The following PSMD14 variants were observed in gnomAD, a reference collection of about 807,000 sequenced individuals.
The protein encoded by PSMD14 is proteasome 26S subunit, non-ATPase 14.
PSMD14 carries 7 observed loss-of-function variants against 41.2 expected under a neutral mutation model. The ratio of observed to expected loss-of-function variants is 0.17; its 90% CI spans 0.10 to 0.32. The LOEUF (loss-of-function observed/expected upper bound fraction) is 0.32, where lower values mean the gene tolerates loss of function less well. Among genes scored for constraint, PSMD14 ranks in the 10% least tolerant of loss-of-function variants. The pLI, the probability that PSMD14 is intolerant of heterozygous loss-of-function variation, is 1.00. For synonymous variants in PSMD14, 114 were observed against 122.3 expected (o/e 0.93, Z 0.45); for missense variants, 139 against 375.6 (o/e 0.37, Z 5.21).
At chr2:161,394,459 CAAT>C (rs1319932255) in intron 9 of PSMD14, among the ~76,000 whole-genome samples, 2 of 152,072 alleles carry the variant, frequency 1.3e-5, no homozygotes, top group East Asian at 1.9e-4. Context: ...CAAGGTCACT[CAAT>C]AAATGGGGCA....
In PSMD14 at chr2:161,367,813, A is replaced by G; in HGVS notation, c.150A>G (p.Pro50=). 1.2e-6 allele frequency: 2 copies of G among 1,613,562 alleles called. No homozygotes were observed. The highest frequency in any genetic ancestry group is 1.7e-6 in the Non-Finnish European group (2 of 1,179,624). Residue 50 remains proline (P), a synonymous_variant, in exon 5 of 12, where the codon CCA becomes CCG. Transcript: ENST00000409682. The part of the protein sequence containing the change: ...KMLKHGRAGV[P]MEVMGLMLGE... ...TAAAACATGGCCGTGCTGGAGTTCC[A>G]ATGGAAGTTATGGGTTTGATGCTTG...
chr2:161,399,325 C>T (rs1683844608), intron 10 of PSMD14, among the ~76,000 whole-genome samples: 2 of 152,074 alleles, frequency 1.3e-5, no homozygotes, highest in South Asian at 4.1e-4. Flanking sequence ...AAAATAACAA[C>T]TAACATTTAC....
chr2:161,349,509 G>A (rs1683088911), intron 3 of PSMD14, among the ~76,000 whole-genome samples: 1 of 152,150 alleles, frequency 6.6e-6, no homozygotes, highest in African/African-American at 2.4e-5. Flanking sequence ...TTCCTAGTGT[G>A]GAGTTCTTTC....
At chr2:161,352,839 G>T (rs925890824) in intron 3 of PSMD14, among the ~76,000 whole-genome samples, 1 of 152,130 alleles carries the variant, frequency 6.6e-6, no homozygotes, top group African/African-American at 2.4e-5. Context: ...AAACAGGAAG[G>T]TTATTTGTAT....
chr2:161,340,187 T>G (rs1249006980), intron 3 of PSMD14, among the ~76,000 whole-genome samples: 2 of 152,062 alleles, frequency 1.3e-5, no homozygotes, highest in Non-Finnish European at 2.9e-5. Flanking sequence ...GAATCCGAGA[T>G]TCCTCTAGAT....
chr2:161,348,328 C>T (rs1216758614), intron 3 of PSMD14, among the ~76,000 whole-genome samples: 2 of 152,152 alleles, frequency 1.3e-5, no homozygotes, highest in Non-Finnish European at 2.9e-5. Context: ...ACTCATTCTG[C>T]CATTGTAGTG....
At chr2:161,310,982 A>C (rs973256041) in intron 1 of PSMD14, among the ~76,000 whole-genome samples, 1 of 152,194 alleles carries the variant, frequency 6.6e-6, no homozygotes, top group Non-Finnish European at 1.5e-5. Flanking sequence ...CTGTAGATTC[A>C]ACCAACTACA....
intron 7 of PSMD14, chr2:161,383,981 A>AG (rs1491302821): frequency 4.0e-5 from 6 of 151,654 alleles, no homozygotes; most frequent in African/African-American, 1.4e-4. Flanking sequence ...TTTTTAAAAA[A>AG]GAGAATATGT....
intron 3 of PSMD14, among the ~76,000 whole-genome samples, chr2:161,329,771 A>G (rs748505377): frequency 5.3e-5 from 8 of 152,168 alleles, no homozygotes; most frequent in Non-Finnish European, 1.0e-4. Flanking sequence ...TTCTATTCAT[A>G]TACTCTGATA....
chr2:161,371,830 C>T (rs946219868), intron 7 of PSMD14, among the ~76,000 whole-genome samples: 18 of 152,120 alleles, frequency 1.2e-4, no homozygotes, highest in South Asian at 4.1e-4. Flanking sequence ...GGAGTGAGGA[C>T]GCAAATGAAT....
rs1023024258 is a variant in PSMD14, at chr2:161,332,439, A to G, written c.48+13566A>G. On this transcript the variant is annotated intron_variant, in intron 3 of 11. Coordinates refer to ENST00000409682, the MANE Select transcript of PSMD14 (RefSeq NM_005805.6). ...TTCTCTTGTTAAGCTAATTTCAATG[A>G]CCAATCTTGTTGTACCTTGACTTGT... 3.3e-5 allele frequency among the ~76,000 whole-genome samples: 5 copies of G among 152,206 alleles called. No homozygotes were observed. The East Asian group carries it at 9.6e-4, about 29-fold the overall frequency.
intron 7 of PSMD14, among the ~76,000 whole-genome samples, chr2:161,377,542 G>A (rs1683519690): frequency 6.6e-6 from 1 of 151,810 alleles, no homozygotes; most frequent in Admixed American, 6.6e-5. Flanking sequence ...ATAAGAAATT[G>A]TCTGCTAGGA....
intron 3 of PSMD14, among the ~76,000 whole-genome samples, chr2:161,340,431 G>C (rs199834490): frequency 3.9e-5 from 6 of 152,160 alleles, no homozygotes; most frequent in Non-Finnish European, 8.8e-5. Flanking sequence ...GGCAAAAGAG[G>C]GGGGACTGGA....
intron 7 of PSMD14, among the ~76,000 whole-genome samples, chr2:161,375,721 C>T (rs1683493684): frequency 6.6e-6 from 1 of 151,734 alleles, no homozygotes; most frequent in Non-Finnish European, 1.5e-5. Flanking sequence ...AGAATAAATA[C>T]AAATACAGGA....
intron 3 of PSMD14, 152 bp downstream of exon 3, chr2:161,319,025 C>T (rs912532415): frequency 4.1e-6 from 2 of 484,350 alleles, no homozygotes; most frequent in Non-Finnish European, 7.2e-6. Flanking sequence ...TATCTTGCAA[C>T]ACTAGATAAC....
intron 2 of PSMD14, among the ~76,000 whole-genome samples, chr2:161,316,940 A>C (rs944503801): frequency 6.6e-6 from 1 of 152,194 alleles, no homozygotes; most frequent in Non-Finnish European, 1.5e-5. Flanking sequence ...ACACAGAGGG[A>C]TAGATAAACT....
chr2:161,338,964 G>A (rs1163518767), intron 3 of PSMD14, among the ~76,000 whole-genome samples: 1 of 152,152 alleles, frequency 6.6e-6, no homozygotes, highest in Non-Finnish European at 1.5e-5. Flanking sequence ...TCTTCAGAGT[G>A]TGTATTCATA....
intron 10 of PSMD14, among the ~76,000 whole-genome samples, chr2:161,403,186 A>G (rs1357328509): frequency 1.3e-5 from 2 of 152,236 alleles, no homozygotes; most frequent in Non-Finnish European, 2.9e-5. Context: ...TGAGGTATGT[A>G]CTTACAACAT....
At chr2:161,359,771 AG>A (rs1220618893) in intron 3 of PSMD14, among the ~76,000 whole-genome samples, 1 of 152,204 alleles carries the variant, frequency 6.6e-6, no homozygotes, top group Middle Eastern at 3.2e-3. Context: ...AAGTGAACTA[AG>A]CTCCCAGAAT....
Sources: allele counts gnomAD v4.1 joint callset (sites outside exome capture counted in the v4.1 genomes callset), GRCh38; gene constraint gnomAD v4.1.1; transcripts MANE v1.5; gene names NCBI Gene and HGNC (gene_info 2026-07-23, HGNC 2026-07-21).